Variants in COL25A1 observed in about 807,000 individuals in gnomAD.
COL25A1 encodes collagen type XXV alpha 1 chain.
Under a neutral mutation model 128.4 loss-of-function variants are expected in COL25A1, and 103 were observed. The observed-to-expected ratio is 0.80, with a 90% CI of 0.68 to 0.94. The LOEUF (loss-of-function observed/expected upper bound fraction) is 0.94. COL25A1 is among the 40% of genes least tolerant of loss of function. The pLI is 0.00. For synonymous variants in COL25A1, 279 were observed against 277.2 expected (o/e 1.01, Z -0.06); for missense variants, 745 against 840.0 (o/e 0.89, Z 1.40).
chr4:109,061,088 T>C (rs1308310405), intron 3 of COL25A1, among the ~76,000 whole-genome samples: 2 of 152,188 alleles, frequency 1.3e-5, no homozygotes, highest in Admixed American at 6.5e-5. Context: ...CACAAGGTTT[T>C]CTCCTATCTA....
rs1003578398 is a variant in COL25A1, at chr4:108,810,282, T to A, written c.*3645A>T. On this transcript the variant is annotated 3_prime_UTR_variant, in exon 38 of 38. Coordinates refer to ENST00000399132, the MANE Select transcript of COL25A1 (RefSeq NM_198721.4). Reference sequence around the variant, plus strand: ...AATTTTTCCATTGGTACTGACATGCTGATTTGACAATTTTCTAAACTAGCA... The same window carrying A: ...AATTTTTCCATTGGTACTGACATGCAGATTTGACAATTTTCTAAACTAGCA... The A allele has an allele frequency of 6.6e-6, 1 of 151,960 alleles. No homozygotes were observed. Among genetic ancestry groups the A allele is most frequent in the Non-Finnish European group, 1.5e-5 (1 of 67,848 alleles). 9.4% of individuals were successfully genotyped at this position (151,960 alleles called of 1,614,324 possible).
rs923771952 is a variant in COL25A1 at position 109,096,617 on chromosome 4, C to A, written c.368-46438G>T. On this transcript the variant is annotated intron_variant, in intron 3 of 37. Coordinates refer to ENST00000399132, the MANE Select transcript of COL25A1 (RefSeq NM_198721.4). ...TAATGATGTGTTTCTCAGAACATATCCCCATCATTAAGTGACTCATAATTG... is the reference window on the plus strand; with the variant it reads ...TAATGATGTGTTTCTCAGAACATATACCCATCATTAAGTGACTCATAATTG... 2.0e-5 allele frequency among the ~76,000 whole-genome samples: 3 copies of A among 149,618 alleles called. No homozygotes were observed. The Admixed American group carries it at 2.0e-4, about 10-fold the overall frequency.
At chr4:108,832,648 G>A (rs1733278329) in intron 31 of COL25A1, 4 of 454,794 alleles carry the variant, frequency 8.8e-6, no homozygotes, top group Non-Finnish European at 1.2e-5. Context: ...TCAATGAAAG[G>A]CACACACGAA....
chr4:109,214,896 T>C (rs1210951133), intron 3 of COL25A1, among the ~76,000 whole-genome samples: 2 of 152,178 alleles, frequency 1.3e-5, no homozygotes, highest in Admixed American at 6.5e-5. Flanking sequence ...GGTTTCATTC[T>C]GGTTTAGTCT....
intron 11 of COL25A1, among the ~76,000 whole-genome samples, chr4:108,928,086 C>T (rs959276270): frequency 3.3e-5 from 5 of 152,108 alleles, no homozygotes; most frequent in Non-Finnish European, 5.9e-5. Flanking sequence ...AATTAACAGG[C>T]TTCTTTGCCC....
intron 35 of COL25A1, among the ~76,000 whole-genome samples, chr4:108,821,131 T>C (rs28451852): frequency 0.039 from 6,008 of 152,274 alleles, 370 homozygotes; most frequent in African/African-American, 0.14. Context: ...AACAGAAATA[T>C]ATGAGATGTG....
intron 32 of COL25A1, among the ~76,000 whole-genome samples, chr4:108,830,370 G>A (rs1452038702): frequency 6.6e-6 from 1 of 152,178 alleles, no homozygotes; most frequent in East Asian, 1.9e-4. Context: ...TTTCTTTTAG[G>A]TTGTTCTAAT....
At chr4:108,908,474 G>A (rs925385337) in intron 13 of COL25A1, among the ~76,000 whole-genome samples, 4 of 152,086 alleles carry the variant, frequency 2.6e-5, no homozygotes, top group Non-Finnish European at 5.9e-5. Context: ...ATCATTCCGG[G>A]AAGCAGAGGA....
At chr4:109,071,402 C>G (rs1762963594) in intron 3 of COL25A1, among the ~76,000 whole-genome samples, 1 of 152,096 alleles carries the variant, frequency 6.6e-6, no homozygotes, top group East Asian at 1.9e-4. Context: ...GACTTCATGT[C>G]TAAAACACCA....
At chr4:109,204,889 G>A (rs757876527) in intron 3 of COL25A1, among the ~76,000 whole-genome samples, 2 of 152,062 alleles carry the variant, frequency 1.3e-5, no homozygotes, top group African/African-American at 2.4e-5. Context: ...GCAGCTAAAC[G>A]GCAGTTCTGA....
At chr4:108,875,696 G>A (rs1351630963) in intron 19 of COL25A1, among the ~76,000 whole-genome samples, 2 of 152,160 alleles carry the variant, frequency 1.3e-5, no homozygotes, top group Admixed American at 1.3e-4. Flanking sequence ...ATTTGACACA[G>A]CAATCTCATT....
chr4:109,240,455 G>A (rs1779823957), intron 3 of COL25A1, among the ~76,000 whole-genome samples: 1 of 151,930 alleles, frequency 6.6e-6, no homozygotes, highest in Admixed American at 6.6e-5. Flanking sequence ...CTGTAATGTG[G>A]CATCCTTAAA....
At chr4:109,164,902 G>T (rs1269477057) in intron 3 of COL25A1, among the ~76,000 whole-genome samples, 5 of 152,064 alleles carry the variant, frequency 3.3e-5, no homozygotes, top group Non-Finnish European at 7.4e-5. Context: ...TCTATAATTT[G>T]CTTATTACTA....
At chr4:109,014,317 A>C (rs1757001996) in intron 5 of COL25A1, among the ~76,000 whole-genome samples, 2 of 151,890 alleles carry the variant, frequency 1.3e-5, no homozygotes, top group African/African-American at 4.8e-5. Context: ...AAAAAAAAAA[A>C]GTGTAAACAT....
intron 3 of COL25A1, among the ~76,000 whole-genome samples, chr4:109,206,122 A>T (rs920622517): frequency 1.3e-5 from 2 of 152,224 alleles, no homozygotes; most frequent in Non-Finnish European, 2.9e-5. Flanking sequence ...AATAGACAGC[A>T]ACTTACGGCT....
intron 13 of COL25A1, among the ~76,000 whole-genome samples, chr4:108,915,930 C>T (rs1183918078): frequency 6.6e-6 from 1 of 152,098 alleles, no homozygotes; most frequent in Non-Finnish European, 1.5e-5. Context: ...TCCAGAAAAA[C>T]AAAGTCTAGA....
chr4:109,186,101 T>C (rs1775106512), intron 3 of COL25A1, among the ~76,000 whole-genome samples: 1 of 152,186 alleles, frequency 6.6e-6, no homozygotes, highest in Non-Finnish European at 1.5e-5. Flanking sequence ...CCAGGACCTT[T>C]TGTCATTCTT....
At chr4:109,097,504 C>T (rs1765500405) in intron 3 of COL25A1, among the ~76,000 whole-genome samples, 1 of 150,744 alleles carries the variant, frequency 6.6e-6, no homozygotes, top group African/African-American at 2.4e-5. Flanking sequence ...TCCCAGCTAC[C>T]TGGGAGTGTG....
chr4:108,958,937 A>G (rs773349745), intron 8 of COL25A1, among the ~76,000 whole-genome samples: 64 of 152,154 alleles, frequency 4.2e-4, no homozygotes, highest in Non-Finnish European at 6.9e-4. Flanking sequence ...TAAAATAAAC[A>G]GTATGTAATT....
Sources: allele counts gnomAD v4.1 joint callset (sites outside exome capture counted in the v4.1 genomes callset), GRCh38; gene constraint gnomAD v4.1.1; transcripts MANE v1.5; gene names NCBI Gene and HGNC (gene_info 2026-07-23, HGNC 2026-07-21).